SNRPN: variants seen among roughly 807,000 people sequenced by gnomAD.
The protein encoded by SNRPN is small nuclear ribonucleoprotein-associated protein N.
In SNRPN, 7 loss-of-function variants were observed where a neutral mutation model predicts 25.2. The observed-to-expected ratio is 0.28, with a 90% CI of 0.16 to 0.52. The LOEUF is 0.52. Ranked by LOEUF, SNRPN falls within the 20% of genes least tolerant of loss-of-function variation. The pLI is 0.96. For missense variants in SNRPN, 196 were observed against 322.5 expected (o/e 0.61, Z 3.00); for synonymous variants, 124 against 110.6 (o/e 1.12, Z -0.76).
At chr15:24,861,807 TAA>T (rs2054010252) in intron 1 of SNRPN, among the ~76,000 whole-genome samples, 1 of 152,164 alleles carries the variant, frequency 6.6e-6, no homozygotes, top group African/African-American at 2.4e-5. Context: ...TATAAAAGCA[TAA>T]GTTTTAGTCA....
At chr15:24,890,146 G>A (rs1595726631) in intron 2 of SNRPN, among the ~76,000 whole-genome samples, 1 of 151,758 alleles carries the variant, frequency 6.6e-6, no homozygotes, top group Admixed American at 6.6e-5. Flanking sequence ...AAGCAGGAAG[G>A]CCACTCTCTG....
upstream of SNRPN, among the ~76,000 whole-genome samples, chr15:24,952,010 T>C (rs1364349418): frequency 3.3e-5 from 5 of 152,156 alleles, no homozygotes; most frequent in African/African-American, 9.7e-5. Flanking sequence ...TAAGAAACTG[T>C]TGCCTAATTC....
chr15:24,943,565 C>T (rs1027112719), intron 3 of SNRPN, among the ~76,000 whole-genome samples: 2 of 152,100 alleles, frequency 1.3e-5, no homozygotes, highest in Non-Finnish European at 2.9e-5. Context: ...GGTAAGATAA[C>T]ACCCAGTTCA....
chr15:24,868,626 T>C (rs12906443), intron 1 of SNRPN, among the ~76,000 whole-genome samples: 50,990 of 152,070 alleles, frequency 0.34, 10,000 homozygotes, highest in African/African-American at 0.53. Flanking sequence ...TAGGGTCTGC[T>C]TGCTGTGTCA....
chr15:24,899,741 C>T (rs2151345750), intron 2 of SNRPN, among the ~76,000 whole-genome samples: 1 of 152,300 alleles, frequency 6.6e-6, no homozygotes, highest in Non-Finnish European at 1.5e-5. Flanking sequence ...CTGGAAAGTT[C>T]CACTGGTGCC....
At chr15:24,899,527 G>A (rs563773984) in intron 2 of SNRPN, among the ~76,000 whole-genome samples, 1 of 152,160 alleles carries the variant, frequency 6.6e-6, no homozygotes, top group Non-Finnish European at 1.5e-5. Flanking sequence ...CCTTTCTCCA[G>A]CACTATATTT....
At chr15:24,972,071 C>T (rs576397969) in intron 3 of SNRPN, among the ~76,000 whole-genome samples, 5 of 151,978 alleles carry the variant, frequency 3.3e-5, no homozygotes, top group South Asian at 2.1e-4. Flanking sequence ...GCCTGGCCAA[C>T]GTAGCGAAAT....
chr15:24,976,024 T>C (rs1457727159), intron 5 of SNRPN, among the ~76,000 whole-genome samples: 1 of 152,232 alleles, frequency 6.6e-6, no homozygotes, highest in African/African-American at 2.4e-5. Flanking sequence ...GGTTTCAATT[T>C]TGTTTTTCTT....
chr15:24,834,943 A>G (rs1336169602), intron 2 of SNRPN, among the ~76,000 whole-genome samples: 3 of 54,372 alleles, frequency 5.5e-5, no homozygotes, highest in African/African-American at 1.9e-4. Context: ...AAAGAAATGC[A>G]TATAATATAT....
chr15:24,929,915 C>T lies in SNRPN; in HGVS notation c.-391+9791C>T, dbSNP rs779162303. Among the ~76,000 whole-genome samples the T allele has an allele frequency of 1.6e-4, 24 of 152,042 alleles. No homozygotes were observed. Among genetic ancestry groups the T allele is most frequent in the South Asian group, 2.1e-4 (1 of 4,824 alleles). On this transcript the variant is annotated intron_variant, in intron 3 of 11. Coordinates refer to the SNRPN transcript ENST00000400097. The surrounding 1 kb of genome is among the most constrained non-coding windows in gnomAD (Gnocchi z 5.3). Reference sequence around the variant, plus strand: ...GTATCAATAAAAAAATGGCCAGGCACGGTGGCTCACACCTATAATCCCAGC... The same window carrying T: ...GTATCAATAAAAAAATGGCCAGGCATGGTGGCTCACACCTATAATCCCAGC...
chr15:24,853,052 A>G (rs950177088), upstream of SNRPN, among the ~76,000 whole-genome samples: 1 of 152,216 alleles, frequency 6.6e-6, no homozygotes, highest in Non-Finnish European at 1.5e-5. Flanking sequence ...CAGTGCTTTT[A>G]GAAAACTTGT....
At chr15:24,852,036 A>G (rs979784236), upstream of SNRPN, 5 of 152,252 alleles carry the variant, frequency 3.3e-5, no homozygotes, top group African/African-American at 7.2e-5. Flanking sequence ...TGGATTAGTC[A>G]TAGTTAAAAT....
upstream of SNRPN, chr15:24,954,925 G>C: frequency 7.0e-7 from 1 of 1,428,084 alleles, no homozygotes; most frequent in East Asian, 2.4e-5. Context: ...GCAGAGGCAG[G>C]CTGGCGCGCA....
intron 3 of SNRPN, among the ~76,000 whole-genome samples, chr15:24,942,771 G>C (rs2061634780): frequency 6.6e-6 from 1 of 152,196 alleles, no homozygotes; most frequent in African/African-American, 2.4e-5. Context: ...TGGAGACTCA[G>C]TGTTGGTCTC....
intron 2 of SNRPN, among the ~76,000 whole-genome samples, chr15:24,844,224 A>G: frequency 6.6e-6 from 1 of 152,040 alleles, no homozygotes; most frequent in East Asian, 1.9e-4. Context: ...CAGTAGGGAC[A>G]TAGTGGCACC....
chr15:24,898,323 C>T (rs948146227), intron 2 of SNRPN, among the ~76,000 whole-genome samples: 10 of 152,204 alleles, frequency 6.6e-5, no homozygotes, highest in Admixed American at 6.5e-4. Flanking sequence ...GGCGTGGTGG[C>T]TTACGCCTGT....
At position 24,967,988 on chromosome 15, in the gene SNRPN, A is replaced by G; in HGVS notation, c.-238A>G. 1 of 1,614,120 alleles carries G rather than the reference A, an allele frequency of 6.2e-7. No homozygotes were observed. Among genetic ancestry groups the G allele is most frequent in the Non-Finnish European group, 8.5e-7 (1 of 1,180,006 alleles). On this transcript the variant is annotated 5_prime_UTR_variant, in exon 3 of 10. Coordinates refer to ENST00000390687, the MANE Select transcript of SNRPN (RefSeq NM_003097.6). Reference sequence around the variant, plus strand: ...CAGCAAGTACCTGTGGTGGATTTCCAGGCTGAACTGAGGCAGGCATTCTTA... The same window carrying G: ...CAGCAAGTACCTGTGGTGGATTTCCGGGCTGAACTGAGGCAGGCATTCTTA...
At chr15:24,865,150 G>A (rs1482703495) in intron 1 of SNRPN, among the ~76,000 whole-genome samples, 7 of 150,906 alleles carry the variant, frequency 4.6e-5, no homozygotes, top group Non-Finnish European at 7.4e-5. Flanking sequence ...AGGTTCAAGC[G>A]ATTCACCTGC....
chr15:24,939,766 T>TA (rs397745054), intron 3 of SNRPN, among the ~76,000 whole-genome samples: 5 of 150,986 alleles, frequency 3.3e-5, no homozygotes, highest in Non-Finnish European at 5.9e-5. Flanking sequence ...TTTTTTTTTT[T>TA]AAAGTTGATT....
Sources: gnomAD v4.1 joint callset for allele counts (sites outside exome capture counted in the v4.1 genomes callset) on GRCh38, gnomAD v4.1.1 for gene constraint, Gnocchi (gnomAD v3.1) non-coding constraint, MANE v1.5 for transcripts, NCBI Gene and HGNC (gene_info 2026-07-23, HGNC 2026-07-21) for gene names.